EIF4E2: variants seen among roughly 807,000 people sequenced by gnomAD.
EIF4E2 encodes the protein eukaryotic translation initiation factor 4E type 2.
Under a neutral mutation model 34.2 loss-of-function variants are expected in EIF4E2, and 13 were observed. The ratio of observed to expected loss-of-function variants is 0.38; its 90% CI spans 0.25 to 0.60. EIF4E2 has a LOEUF of 0.60. EIF4E2 is among the 20% of genes least tolerant of loss of function. EIF4E2 has a pLI of 0.62. For missense variants in EIF4E2, 222 were observed against 315.1 expected, an observed-to-expected ratio of 0.70 and a Z score of 2.24; for synonymous variants, 100 against 106.6, an observed-to-expected ratio of 0.94 and a Z score of 0.38.
chr2:232,556,392 G>T lies in EIF4E2; in HGVS notation c.21-24G>T, dbSNP rs537332303. On this transcript the variant is annotated intron_variant, in intron 1 of 6. Transcript: ENST00000258416. ...CAAGAATTGACTTCGTCACAGAATT[G>T]TATTGTGTTGCCTTTCCATTCAGTT... The T allele has an allele frequency of 5.1e-6, 8 of 1,582,202 alleles. No homozygotes were observed. In the African/African-American group the frequency reaches 8.1e-5, roughly 16 times the overall value.
intron 2 of EIF4E2, 52 bp from the exon 3 acceptor site, chr2:232,557,832 C>T: frequency 6.3e-7 from 1 of 1,595,320 alleles, no homozygotes; most frequent in Non-Finnish European, 8.5e-7. Flanking sequence ...TTCTCTCAGT[C>T]TCAGACCACG....
exon 7 of EIF4E2, chr2:232,582,188 T>C (rs1018890109): frequency 6.6e-6 from 1 of 152,666 alleles, no homozygotes; most frequent in Admixed American, 6.5e-5. Flanking sequence ...AACCTCCAAG[T>C]AGCACCGTCT....
At chr2:232,564,099 A>G (rs1729254) in intron 3 of EIF4E2, 148 bp from the exon 4 acceptor site, 128,275 of 454,632 alleles carry the variant, frequency 0.28, 19,211 homozygotes, top group Admixed American at 0.42. Flanking sequence ...CCCTCACAAC[A>G]CCACACATGA....
intron 3 of EIF4E2, among the ~76,000 whole-genome samples, chr2:232,561,610 C>A (rs1692727088): frequency 6.6e-6 from 1 of 152,190 alleles, no homozygotes; most frequent in Non-Finnish European, 1.5e-5. Flanking sequence ...ATCCTTTTAT[C>A]AAATTGAAAG....
chr2:232,555,798 C>T (rs1460770015), intron 1 of EIF4E2, among the ~76,000 whole-genome samples: 1 of 152,180 alleles, frequency 6.6e-6, no homozygotes, highest in African/African-American at 2.4e-5. Flanking sequence ...TTACATTTTG[C>T]TGTACTTTAT....
intron 6 of EIF4E2, among the ~76,000 whole-genome samples, chr2:232,579,142 ACACACAC>A (rs1693287375): frequency 7.7e-6 from 1 of 129,320 alleles, no homozygotes. Flanking sequence ...ACACACACAC[ACACACAC>A]ACACACACAC....
chr2:232,558,471 A>T (rs1692600661), intron 3 of EIF4E2: 1 of 152,534 alleles, frequency 6.6e-6, no homozygotes, highest in Non-Finnish European at 1.5e-5. Flanking sequence ...TTTTAGTAGA[A>T]ACGGGGTTCC....
chr2:232,565,709 A>C (rs939166000), intron 4 of EIF4E2, among the ~76,000 whole-genome samples: 1 of 152,194 alleles, frequency 6.6e-6, no homozygotes, highest in Admixed American at 6.5e-5. Flanking sequence ...CATAGTGTGC[A>C]TATCTGTTAA....
rs1574682453 is a variant in EIF4E2 at position 232,581,413 on chromosome 2, A to G, written c.*470A>G. ...TGCTCTCTTCTAGCTCTGCCATTAA[A>G]TTATTGGGACATTTTGTTTCTTTCT... On this transcript the variant is annotated 3_prime_UTR_variant, in exon 7 of 7. Transcript: ENST00000409098. The surrounding 1 kb of genome is among the most constrained non-coding windows in gnomAD (Gnocchi z 5.2). The G allele has an allele frequency of 9.9e-6, 3 of 301,562 alleles. No individual in the cohort carries two copies. Among genetic ancestry groups the G allele is most frequent in the South Asian group, 8.8e-5 (3 of 33,928 alleles). 18.7% of individuals were successfully genotyped at this position (301,562 alleles called of 1,614,324 possible).
intron 1 of EIF4E2, among the ~76,000 whole-genome samples, chr2:232,552,764 C>A (rs982596353): frequency 6.6e-6 from 1 of 151,262 alleles, no homozygotes; most frequent in Non-Finnish European, 1.5e-5. Flanking sequence ...TGTATTGAGC[C>A]AGAATCTTTT....
At chr2:232,579,287 C>T (rs1693291188) in intron 6 of EIF4E2, among the ~76,000 whole-genome samples, 1 of 152,110 alleles carries the variant, frequency 6.6e-6, no homozygotes, top group South Asian at 2.1e-4. Context: ...ATACCATTAG[C>T]CTTTTAAAAA....
downstream of EIF4E2, among the ~76,000 whole-genome samples, chr2:232,571,470 T>C (rs1272416575): frequency 6.6e-6 from 1 of 152,232 alleles, no homozygotes; most frequent in Non-Finnish European, 1.5e-5. Context: ...CGGAGCCATA[T>C]GAAACAGCAA....
At chr2:232,558,215 A>C (rs1692592532) in intron 3 of EIF4E2, 197 bp downstream of exon 3, 1 of 579,532 alleles carries the variant, frequency 1.7e-6, no homozygotes, top group Admixed American at 3.6e-5. Flanking sequence ...GGTATCAACA[A>C]ATATGAGAAT....
intron 1 of EIF4E2, among the ~76,000 whole-genome samples, chr2:232,553,422 T>A (rs201441218): frequency 1.1e-4 from 1 of 9,348 alleles, no homozygotes; most frequent in South Asian, 7.7e-3. Context: ...TAAACGGAGA[T>A]TTTTTTTTAT....
intron 3 of EIF4E2, among the ~76,000 whole-genome samples, chr2:232,563,134 A>G (rs1692781168): frequency 6.6e-6 from 1 of 152,240 alleles, no homozygotes. Context: ...GAGCCTGCTC[A>G]GCAGTTTAGC....
downstream of EIF4E2, chr2:232,573,807 CAT>C (rs1436721342): frequency 1.5e-5 from 5 of 325,070 alleles, no homozygotes; most frequent in Middle Eastern, 1.1e-3. Context: ...CATCTTTAGA[CAT>C]CATAATGCTG....
chr2:232,561,766 TG>T (rs1217973992), intron 3 of EIF4E2, among the ~76,000 whole-genome samples: 2 of 152,138 alleles, frequency 1.3e-5, no homozygotes, highest in African/African-American at 4.8e-5. Flanking sequence ...TTGACCCTCT[TG>T]GTTAGAGCAA....
chr2:232,557,865 C>G lies in EIF4E2; in HGVS notation c.136-19C>G. The G allele has an allele frequency of 3.7e-6, 6 of 1,611,516 alleles. No homozygotes were observed. Among genetic ancestry groups the G allele is most frequent in the Non-Finnish European group, 5.1e-6 (6 of 1,179,416 alleles). On this transcript the variant is annotated intron_variant, in intron 2 of 6. Coordinates refer to ENST00000258416, the MANE Select transcript of EIF4E2 (RefSeq NM_004846.4). Reference sequence around the variant, plus strand: ...ACGTGACAAATGCCCAGGACTAACACACCTTCTTTACTTCCCAGGCTGTTG... The same window carrying G: ...ACGTGACAAATGCCCAGGACTAACAGACCTTCTTTACTTCCCAGGCTGTTG...
At position 232,569,161 on chromosome 2, in the gene EIF4E2, G is replaced by T; in HGVS notation, c.*144G>T. Reference sequence around the variant, plus strand: ...TTATGTTTTAAGAACAGGCTGACACGCAGCAGCTACAACAACAGCTGAGAT... The same window carrying T: ...TTATGTTTTAAGAACAGGCTGACACTCAGCAGCTACAACAACAGCTGAGAT... On this transcript the variant is annotated 3_prime_UTR_variant, in exon 7 of 7. Transcript: ENST00000258416. 2 of 1,462,492 alleles carry T rather than the reference G, an allele frequency of 1.4e-6. No individual in the cohort carries two copies. The highest frequency in any genetic ancestry group is 1.8e-6 in the Non-Finnish European group (2 of 1,108,550). The allele number at this position is 1,462,492 out of a possible 1,614,324, so 90.6% of individuals were successfully genotyped here.
Sources: gnomAD v4.1 joint callset for allele counts (sites outside exome capture counted in the v4.1 genomes callset) on GRCh38, gnomAD v4.1.1 for gene constraint, Gnocchi (gnomAD v3.1) non-coding constraint, MANE v1.5 for transcripts, NCBI Gene and HGNC (gene_info 2026-07-23, HGNC 2026-07-21) for gene names.